DOCK8: variants seen among roughly 807,000 people sequenced by gnomAD.
The protein encoded by DOCK8 is dedicator of cytokinesis protein 8.
In DOCK8, 141 loss-of-function variants were observed where a neutral mutation model predicts 245.6. That is an observed-to-expected ratio of 0.57 (90% CI 0.50 to 0.66). The LOEUF is 0.66. DOCK8 is among the 30% of genes least tolerant of loss of function. DOCK8 has a pLI of 0.00. For synonymous variants in DOCK8, 1,168 were observed against 970.2 expected (o/e 1.20, Z -3.79); for missense variants, 2,965 against 2,603.4 (o/e 1.14, Z -3.02).
At chr9:288,276 T>A (rs571035944) in intron 3 of DOCK8, among the ~76,000 whole-genome samples, 1 of 152,288 alleles carries the variant, frequency 6.6e-6, no homozygotes, top group Non-Finnish European at 1.5e-5. Context: ...AGCTGACTCC[T>A]GTTGAACAAC....
At chr9:296,419 G>A (rs549984488) in intron 4 of DOCK8, among the ~76,000 whole-genome samples, 4 of 152,284 alleles carry the variant, frequency 2.6e-5, no homozygotes, top group African/African-American at 9.6e-5. Flanking sequence ...TTGCCGCAGA[G>A]ACAGTGAAAC....
At chr9:236,224 A>C (rs1014488487) in intron 1 of DOCK8, among the ~76,000 whole-genome samples, 2 of 152,122 alleles carry the variant, frequency 1.3e-5, no homozygotes, top group Non-Finnish European at 2.9e-5. Flanking sequence ...AACTCTGTAC[A>C]GTGAATCAGT....
intron 4 of DOCK8, among the ~76,000 whole-genome samples, chr9:292,603 G>T (rs1458465727): frequency 6.6e-6 from 1 of 150,890 alleles, no homozygotes; most frequent in East Asian, 1.9e-4. Flanking sequence ...CGTGAAATTT[G>T]TGCATCCCTA....
chr9:416,400 C>G (rs1399913810), intron 29 of DOCK8, among the ~76,000 whole-genome samples: 1 of 152,206 alleles, frequency 6.6e-6, no homozygotes, highest in African/African-American at 2.4e-5. Context: ...CACACATTAT[C>G]CGAAGTTTTC....
intron 15 of DOCK8, chr9:369,900 C>T (rs1018588375): frequency 1.1e-5 from 4 of 348,798 alleles, no homozygotes; most frequent in African/African-American, 8.5e-5. Flanking sequence ...TTCCTAGGCT[C>T]AAGCGATCCT....
At chr9:229,775 G>C (rs2047066513) in intron 1 of DOCK8, among the ~76,000 whole-genome samples, 1 of 152,000 alleles carries the variant, frequency 6.6e-6, no homozygotes, top group African/African-American at 2.4e-5. Flanking sequence ...GTCTTAGAAG[G>C]ATCACCCCTA....
intron 2 of DOCK8, among the ~76,000 whole-genome samples, chr9:279,026 G>C: frequency 6.6e-6 from 1 of 152,206 alleles, no homozygotes; most frequent in Non-Finnish European, 1.5e-5. Context: ...CTTTGGACGA[G>C]GGTGGTGGCA....
At chr9:387,264 T>G (rs986594771) in intron 23 of DOCK8, among the ~76,000 whole-genome samples, 1 of 151,908 alleles carries the variant, frequency 6.6e-6, no homozygotes, top group African/African-American at 2.4e-5. Flanking sequence ...GCCAACATGG[T>G]GAAACCCCCT....
chr9:254,243 A>T (rs1018507326), intron 1 of DOCK8, among the ~76,000 whole-genome samples: 8 of 152,200 alleles, frequency 5.3e-5, no homozygotes, highest in Non-Finnish European at 1.2e-4. Flanking sequence ...CCATTCCTCC[A>T]TTTGATACAG....
intron 46 of DOCK8, among the ~76,000 whole-genome samples, chr9:462,688 T>G (rs1440489290): frequency 6.6e-6 from 1 of 152,260 alleles, no homozygotes; most frequent in Non-Finnish European, 1.5e-5. Flanking sequence ...TTTCTCTTTC[T>G]TTCTGGCACC....
chr9:424,216 T>C (rs2056394254), intron 33 of DOCK8, among the ~76,000 whole-genome samples: 1 of 148,382 alleles, frequency 6.7e-6, no homozygotes, highest in African/African-American at 2.6e-5. Flanking sequence ...GCAATGATCT[T>C]CAACTTAGGC....
chr9:372,085 A>T, intron 17 of DOCK8, 100 bp from the exon 18 acceptor site: 1 of 1,027,558 alleles, frequency 9.7e-7, no homozygotes, highest in Non-Finnish European at 1.5e-6. Flanking sequence ...GTCAATATCT[A>T]CTCACTGTTT....
Position 332,422 on chromosome 9 carries a change from G to C in DOCK8, c.1069G>C (p.Glu357Gln). 6.2e-7 allele frequency: 1 copy of C among 1,612,964 alleles called. No homozygotes were observed. Among genetic ancestry groups the C allele is most frequent in the Non-Finnish European group, 8.5e-7 (1 of 1,179,154 alleles). ...VKIEKVLQQG[E>Q]IGDCAEPYTV... is the part of the protein sequence containing the mutation. ...GATTGAAAAAGTCCTGCAGCAGGGAGAGATTGGAGACTGTGCAGAGCCCTA... is the reference window on the plus strand; with the variant it reads ...GATTGAAAAAGTCCTGCAGCAGGGACAGATTGGAGACTGTGCAGAGCCCTA... The change falls in exon 10 of 48, where the codon GAG becomes CAG. Residue 357 changes from glutamate (E) to glutamine (Q), a missense_variant. By Grantham distance (29) the Glu-to-Gln change is conservative (BLOSUM62 2). This residue lies in a region of DOCK8 where 2,825 missense variants were observed against 2,453.5 expected (regional missense o/e 1.15). Transcript: ENST00000432829.
chr9:462,528 C>T (rs1037620716), intron 46 of DOCK8, among the ~76,000 whole-genome samples: 1 of 152,342 alleles, frequency 6.6e-6, no homozygotes, highest in East Asian at 1.9e-4. Flanking sequence ...TCTCCCTTTG[C>T]CCTGGCCAAG....
At chr9:452,216 GAC>G in intron 46 of DOCK8, 99 bp downstream of exon 46, 1 of 789,664 alleles carries the variant, frequency 1.3e-6, no homozygotes, top group East Asian at 3.0e-5. Flanking sequence ...TTGCTAGAAA[GAC>G]AAAGTCTCAG....
intron 4 of DOCK8, among the ~76,000 whole-genome samples, chr9:297,578 A>G (rs1227366422): frequency 1.3e-5 from 2 of 152,092 alleles, no homozygotes; most frequent in Non-Finnish European, 2.9e-5. Flanking sequence ...ATTTGACTCC[A>G]TTGCCAGGGT....
chr9:410,288 G>A (rs2055661622), intron 28 of DOCK8, among the ~76,000 whole-genome samples: 1 of 152,070 alleles, frequency 6.6e-6, no homozygotes, highest in African/African-American at 2.4e-5. Context: ...CCACTATTCT[G>A]ACTCTTATTA....
rs577984266 is a variant in DOCK8, at chr9:250,409, C to A, written c.54-21218C>A. Among the ~76,000 whole-genome samples the A allele has an allele frequency of 1.8e-4, 28 of 152,296 alleles. No homozygotes were observed. The South Asian group carries it at 5.6e-3, about 30-fold the overall frequency. On this transcript the variant is annotated intron_variant, in intron 1 of 47. Transcript: ENST00000432829. ...GAATGAAACAATTAAAGAAACTGAT[C>A]TCCTCTGAGAAAAAGACCATTTACA...
At chr9:358,903 GC>G (rs1362465185) in intron 14 of DOCK8, among the ~76,000 whole-genome samples, 1 of 152,212 alleles carries the variant, frequency 6.6e-6, no homozygotes, top group Non-Finnish European at 1.5e-5. Context: ...CTGCCTAGCA[GC>G]CAAGCAATAA....
Sources: gnomAD v4.1 joint callset for allele counts (sites outside exome capture counted in the v4.1 genomes callset) on GRCh38, gnomAD v4.1.1 for gene constraint, gnomAD v4.1.1 regional missense constraint, MANE v1.5 for transcripts, NCBI Gene and HGNC (gene_info 2026-07-23, HGNC 2026-07-21) for gene names.